The following PVT1 variants were observed in gnomAD, a reference collection of about 807,000 sequenced individuals.
The protein encoded by PVT1 is Pvt1 oncogene.
At chr8:127,858,305 G>A (rs1815182613) in intron 2 of PVT1, among the ~76,000 whole-genome samples, 2 of 152,078 alleles carry the variant, frequency 1.3e-5, no homozygotes, top group African/African-American at 4.8e-5. Flanking sequence ...TACCAGGGAG[G>A]CTGAGGCAGG....
At chr8:127,971,350 G>T (rs777317512) in intron 3 of PVT1, among the ~76,000 whole-genome samples, 4 of 152,210 alleles carry the variant, frequency 2.6e-5, no homozygotes, top group African/African-American at 4.8e-5. Flanking sequence ...TCCCCTGCTG[G>T]GCCTCTGCAG....
At chr8:128,065,710 GC>G (rs1813900518) in intron 4 of PVT1, among the ~76,000 whole-genome samples, 2 of 152,028 alleles carry the variant, frequency 1.3e-5, no homozygotes, top group African/African-American at 4.8e-5. Flanking sequence ...GAGAGGAAAT[GC>G]ACCAAGGGGG....
chr8:128,032,321 G>A (rs1332814519), intron 4 of PVT1, among the ~76,000 whole-genome samples: 2 of 152,172 alleles, frequency 1.3e-5, no homozygotes, highest in Non-Finnish European at 2.9e-5. Flanking sequence ...AGCAAGAAGG[G>A]TGAGGAGGTT....
intron 4 of PVT1, among the ~76,000 whole-genome samples, chr8:127,990,220 C>T (rs962426022): frequency 6.6e-5 from 10 of 152,126 alleles, no homozygotes; most frequent in African/African-American, 2.2e-4. Flanking sequence ...TGGACGGCAG[C>T]GGGCTAGTGA....
At position 128,029,789 on chromosome 8, in the gene PVT1, ACT is replaced by A. The variant is rs1029212952; in HGVS notation, n.913-40368_913-40367del. Among the ~76,000 whole-genome samples, 45 of 151,968 alleles carry A rather than the reference ACT, an allele frequency of 3.0e-4. 1 individual carries two copies. Among genetic ancestry groups the A allele is most frequent in the African/African-American group, 1.0e-3 (42 of 41,368 alleles). On this transcript the variant is annotated intron_variant and non_coding_transcript_variant, in intron 4 of 10. Coordinates refer to ENST00000651587, the Ensembl canonical transcript of PVT1. ...ACTCCAGCCTGGGCAACAGAGGGAG[ACT>A]CTGTCTCAAAAACAAACAAACAAAA...
intron 3 of PVT1, among the ~76,000 whole-genome samples, chr8:127,954,736 G>A (rs773015004): frequency 2.6e-5 from 4 of 152,108 alleles, no homozygotes; most frequent in Non-Finnish European, 5.9e-5. Flanking sequence ...AGAAGGATTC[G>A]GGCCTCTGAG....
intron 4 of PVT1, among the ~76,000 whole-genome samples, chr8:127,995,154 A>C (rs1413474655): frequency 6.6e-6 from 1 of 152,092 alleles, no homozygotes; most frequent in African/African-American, 2.4e-5. Flanking sequence ...CTGCCCTTTG[A>C]GTGTTGAGCC....
intron 2 of PVT1, among the ~76,000 whole-genome samples, chr8:127,836,204 C>A (rs187589687): frequency 6.6e-6 from 1 of 152,284 alleles, no homozygotes; most frequent in Non-Finnish European, 1.5e-5. Flanking sequence ...TTTGGTGTGA[C>A]TCCTCCCCTA....
intron 4 of PVT1, among the ~76,000 whole-genome samples, chr8:128,023,122 C>T (rs928696604): frequency 4.6e-5 from 7 of 152,176 alleles, no homozygotes; most frequent in Admixed American, 1.3e-4. Context: ...CCTGCCTTGG[C>T]CTCCCAAAGT....
intron 5 of PVT1, among the ~76,000 whole-genome samples, chr8:128,080,168 T>G (rs1814158131): frequency 6.6e-6 from 1 of 151,994 alleles, no homozygotes; most frequent in African/African-American, 2.4e-5. Context: ...TCCAGGTTTT[T>G]GGCAATTATG....
chr8:127,912,534 C>A (rs1293203019), intron 3 of PVT1, among the ~76,000 whole-genome samples: 1 of 152,210 alleles, frequency 6.6e-6, no homozygotes, highest in African/African-American at 2.4e-5. Context: ...TGTGAGCTGA[C>A]TCACTTGAGT....
At chr8:127,967,178 C>A (rs1405836104) in intron 3 of PVT1, among the ~76,000 whole-genome samples, 1 of 152,130 alleles carries the variant, frequency 6.6e-6, no homozygotes, top group Non-Finnish European at 1.5e-5. Flanking sequence ...GGATGCATAC[C>A]CACCCGCTGA....
chr8:128,036,282 C>T (rs1295791042), intron 4 of PVT1, among the ~76,000 whole-genome samples: 1 of 152,200 alleles, frequency 6.6e-6, no homozygotes, highest in Admixed American at 6.5e-5. Context: ...CCATCTCATG[C>T]ATGGTGGTGA....
chr8:127,946,197 C>A (rs554340753), intron 3 of PVT1, among the ~76,000 whole-genome samples: 1 of 152,314 alleles, frequency 6.6e-6, no homozygotes, highest in African/African-American at 2.4e-5. Flanking sequence ...CTCTCCCAAG[C>A]TTGTTGGGTT....
chr8:127,861,378 G>A (rs1586411029), intron 2 of PVT1, among the ~76,000 whole-genome samples: 2 of 152,326 alleles, frequency 1.3e-5, no homozygotes, highest in Middle Eastern at 6.8e-3. Flanking sequence ...GGAGGCCAAG[G>A]CGGGTGGATC....
chr8:128,068,506 T>G (rs1414446978), intron 4 of PVT1, among the ~76,000 whole-genome samples: 1 of 152,144 alleles, frequency 6.6e-6, no homozygotes, highest in Non-Finnish European at 1.5e-5. Context: ...TTTTTTGTTG[T>G]TGTTTGTTTG....
intron 2 of PVT1, among the ~76,000 whole-genome samples, chr8:127,858,450 A>AT (rs59128799): frequency 1.3e-5 from 2 of 149,812 alleles, no homozygotes; most frequent in African/African-American, 2.5e-5. Context: ...AAATAAATAA[A>AT]AGATGGTCTT....
intron 4 of PVT1, among the ~76,000 whole-genome samples, chr8:128,028,132 A>T (rs1461825291): frequency 6.6e-6 from 1 of 152,236 alleles, no homozygotes; most frequent in Non-Finnish European, 1.5e-5. Context: ...CAGTCCAGCC[A>T]GGTCCCCCAG....
At chr8:127,860,827 G>T (rs919612643) in intron 2 of PVT1, among the ~76,000 whole-genome samples, 1 of 151,776 alleles carries the variant, frequency 6.6e-6, no homozygotes, top group Non-Finnish European at 1.5e-5. Flanking sequence ...GTCTCCTGTG[G>T]AGTTTAGCAC....
Sources: gnomAD v4.1 joint callset for allele counts (sites outside exome capture counted in the v4.1 genomes callset) on GRCh38, gnomAD v4.1.1 for gene constraint, MANE v1.5 for transcripts, NCBI Gene and HGNC (gene_info 2026-07-23, HGNC 2026-07-21) for gene names.